Variants in ARHGAP35 observed in about 807,000 individuals in gnomAD.
ARHGAP35 encodes the protein rho GTPase-activating protein 35.
A neutral mutation model predicts 111.1 loss-of-function variants in ARHGAP35; 15 were observed. The observed-to-expected ratio is 0.13, with a 90% CI of 0.09 to 0.21. ARHGAP35 has a LOEUF of 0.21. Among genes scored for constraint, ARHGAP35 ranks in the 10% least tolerant of loss-of-function variants. The pLI is 1.00. For missense variants in ARHGAP35, 1,262 were observed against 1,873.0 expected, an observed-to-expected ratio of 0.67 and a Z score of 6.02; for synonymous variants, 643 against 710.3, an observed-to-expected ratio of 0.91 and a Z score of 1.51.
chr19:46,902,305 A>C (rs1489011079), intron 1 of ARHGAP35, among the ~76,000 whole-genome samples: 1 of 152,174 alleles, frequency 6.6e-6, no homozygotes, highest in East Asian at 1.9e-4. Flanking sequence ...ATTCTTATGG[A>C]ATGATACAGG....
intron 3 of ARHGAP35, among the ~76,000 whole-genome samples, chr19:46,975,508 C>T (rs2056575142): frequency 6.6e-6 from 1 of 152,130 alleles, no homozygotes; most frequent in South Asian, 2.1e-4. Flanking sequence ...CACTTTACAC[C>T]CCATACATGG....
Position 46,979,801 on chromosome 19 carries a change from G to A in ARHGAP35, c.3827-8188G>A, listed in dbSNP as rs113395450. Among the ~76,000 whole-genome samples, 985 of 152,226 alleles carry A rather than the reference G, an allele frequency of 6.5e-3. 6 individuals carry two copies. The highest frequency in any genetic ancestry group is 0.02 in the South Asian group (98 of 4,824). On this transcript the variant is annotated intron_variant, in intron 3 of 6. Transcript: ENST00000672722. ...GTGTTAGTGGCCTTCTATCATGGGG[G>A]GAAAGTCTGGCACAGGAAGAAGCAG...
chr19:46,964,167 A>G (rs1221712331), intron 3 of ARHGAP35, among the ~76,000 whole-genome samples: 2 of 151,810 alleles, frequency 1.3e-5, no homozygotes, highest in Non-Finnish European at 2.9e-5. Flanking sequence ...CGGACTCATT[A>G]TTATATGAGT....
intron 1 of ARHGAP35, among the ~76,000 whole-genome samples, chr19:46,870,779 T>G (rs1351367405): frequency 6.6e-6 from 1 of 152,158 alleles, no homozygotes; most frequent in Non-Finnish European, 1.5e-5. Context: ...TAGTTGTGAT[T>G]TGATGTTATG....
intron 3 of ARHGAP35, among the ~76,000 whole-genome samples, chr19:46,966,708 T>C (rs2056517088): frequency 6.6e-6 from 1 of 152,190 alleles, no homozygotes; most frequent in Non-Finnish European, 1.5e-5. Flanking sequence ...GTGAGTGTAA[T>C]AAGTTAGTCT....
chr19:46,950,325 T>G (rs533529461), intron 3 of ARHGAP35, among the ~76,000 whole-genome samples: 1 of 152,234 alleles, frequency 6.6e-6, no homozygotes, highest in Admixed American at 6.5e-5. Flanking sequence ...TCTTCCACTC[T>G]TCCTGGACAT....
At chr19:46,984,360 T>G (rs1447537206) in intron 3 of ARHGAP35, among the ~76,000 whole-genome samples, 1 of 152,166 alleles carries the variant, frequency 6.6e-6, no homozygotes, top group Admixed American at 6.5e-5. Context: ...CACAAATGCC[T>G]TAATATCCAG....
At chr19:46,982,523 A>G (rs1407845087) in intron 3 of ARHGAP35, among the ~76,000 whole-genome samples, 1 of 150,910 alleles carries the variant, frequency 6.6e-6, no homozygotes, top group African/African-American at 2.5e-5. Flanking sequence ...TTGTTTTCGT[A>G]TAAAAAGCAG....
chr19:46,882,330 A>G (rs1450698717), intron 1 of ARHGAP35, among the ~76,000 whole-genome samples: 1 of 151,594 alleles, frequency 6.6e-6, no homozygotes, highest in African/African-American at 2.4e-5. Flanking sequence ...TAGAGACAGG[A>G]TCAGCGTATG....
chr19:46,919,415 T>A lies in ARHGAP35; in HGVS notation c.740T>A (p.Ile247Asn). The change falls in exon 2 of 7, where the codon ATT becomes AAT. Residue 247 changes from isoleucine (I) to asparagine (N), a missense_variant. Transcript: ENST00000672722. This position sits in a 1 kb window ranked among gnomAD's most constrained non-coding sequence, Gnocchi z 6.2. ...DLAFSTLVQL[I>N]DKSRGKTKII... ...GCTTTCAGCACCTTAGTGCAACTCA[T>A]TGATAAAAGTCGGGGAAAGACAAAA... 6.2e-7 allele frequency: 1 copy of A among 1,613,996 alleles called. No individual in the cohort carries two copies.
chr19:46,873,356 G>C (rs1248138023), intron 1 of ARHGAP35, among the ~76,000 whole-genome samples: 1 of 152,096 alleles, frequency 6.6e-6, no homozygotes, highest in Non-Finnish European at 1.5e-5. Context: ...AGCCGGCTGG[G>C]CATGGTGGCT....
At chr19:46,966,798 A>G (rs985381249) in intron 3 of ARHGAP35, among the ~76,000 whole-genome samples, 1 of 152,192 alleles carries the variant, frequency 6.6e-6, no homozygotes, top group Non-Finnish European at 1.5e-5. Flanking sequence ...GCCAGCCCCC[A>G]TTGGAGATGA....
chr19:46,880,394 T>C (rs544065268), intron 1 of ARHGAP35, among the ~76,000 whole-genome samples: 2 of 152,292 alleles, frequency 1.3e-5, no homozygotes, highest in South Asian at 4.1e-4. Context: ...ATGGAACCAT[T>C]GTACTCCAGC....
chr19:46,994,393 C>T lies in ARHGAP35; in HGVS notation c.4036+4718C>T, dbSNP rs868310321. Among the ~76,000 whole-genome samples, 7 of 152,222 alleles carry T rather than the reference C, an allele frequency of 4.6e-5. No homozygotes were observed. The highest frequency in any genetic ancestry group is 4.1e-4 in the South Asian group (2 of 4,832). On this transcript the variant is annotated intron_variant, in intron 5 of 6. Coordinates refer to ENST00000672722, the MANE Select transcript of ARHGAP35 (RefSeq NM_004491.5). This position sits in a 1 kb window ranked among gnomAD's most constrained non-coding sequence, Gnocchi z 5.4. ...CACAGACTGTGGCCCCAGCCTTCGG[C>T]AGCACCATAGGGTAGAAGGTGTCCA... is the stretch of plus-strand genomic sequence containing the variant.
chr19:46,999,670 T>G lies in ARHGAP35; in HGVS notation c.4142+261T>G. The G allele has an allele frequency of 2.1e-6, 1 of 475,510 alleles. No homozygotes were observed. The highest frequency in any genetic ancestry group is 3.8e-6 in the Non-Finnish European group (1 of 265,960). The allele number at this position is 475,510 out of a possible 1,614,324, so 29.5% of individuals were successfully genotyped here. ...ACCTGCCTAACACCAGATAGGGCAC[T>G]TAGCTCCAGCGGGCATGGGGCCTCT... On this transcript the variant is annotated intron_variant, in intron 6 of 6. Coordinates refer to ENST00000672722, the MANE Select transcript of ARHGAP35 (RefSeq NM_004491.5). The surrounding 1 kb of genome is among the most constrained non-coding windows in gnomAD (Gnocchi z 5.4).
chr19:46,911,029 C>G (rs1223853938), intron 1 of ARHGAP35, among the ~76,000 whole-genome samples: 2 of 152,166 alleles, frequency 1.3e-5, no homozygotes, highest in Non-Finnish European at 2.9e-5. Context: ...ATTTGATTCT[C>G]AGAGTAAACA....
At chr19:46,971,708 C>G (rs1418464607) in intron 3 of ARHGAP35, among the ~76,000 whole-genome samples, 1 of 151,918 alleles carries the variant, frequency 6.6e-6, no homozygotes, top group Non-Finnish European at 1.5e-5. Context: ...CCAAGTTGGT[C>G]AGGCTGGTCT....
chr19:46,878,463 C>T (rs979088347), intron 1 of ARHGAP35, among the ~76,000 whole-genome samples: 7 of 151,996 alleles, frequency 4.6e-5, no homozygotes, highest in African/African-American at 9.7e-5. Flanking sequence ...TCTAGAGATG[C>T]GCACACTACC....
At chr19:46,952,824 G>A (rs1599843357) in intron 3 of ARHGAP35, among the ~76,000 whole-genome samples, 1 of 152,298 alleles carries the variant, frequency 6.6e-6, no homozygotes, top group Non-Finnish European at 1.5e-5. Flanking sequence ...GACCACAGGT[G>A]TGTGCCACCA....
Sources: gnomAD v4.1 joint callset for allele counts (sites outside exome capture counted in the v4.1 genomes callset) on GRCh38, gnomAD v4.1.1 for gene constraint, Gnocchi (gnomAD v3.1) non-coding constraint, MANE v1.5 for transcripts, NCBI Gene and HGNC (gene_info 2026-07-23, HGNC 2026-07-21) for gene names.